CFAP299: variants seen among roughly 807,000 people sequenced by gnomAD.
CFAP299 encodes cilia and flagella associated protein 299.
In CFAP299, 21 loss-of-function variants were observed where a neutral mutation model predicts 27.0. The ratio of observed to expected loss-of-function variants is 0.78; its 90% CI spans 0.55 to 1.12. The LOEUF (loss-of-function observed/expected upper bound fraction) is 1.12, where lower values mean the gene tolerates loss of function less well. Among genes scored for constraint, CFAP299 ranks in the 50% most tolerant of loss-of-function variants. CFAP299 has a pLI of 0.00. For synonymous variants in CFAP299, 104 were observed against 98.1 expected, an observed-to-expected ratio of 1.06 and a Z score of -0.36; for missense variants, 310 against 276.6, an observed-to-expected ratio of 1.12 and a Z score of -0.86.
intron 3 of CFAP299, among the ~76,000 whole-genome samples, chr4:80,740,615 G>A (rs765610086): frequency 6.6e-6 from 1 of 152,184 alleles, no homozygotes. Context: ...GCACTTCAGG[G>A]TAGTGAGTTC....
At chr4:80,825,713 A>T (rs1729947950) in intron 3 of CFAP299, among the ~76,000 whole-genome samples, 1 of 151,962 alleles carries the variant, frequency 6.6e-6, no homozygotes, top group Non-Finnish European at 1.5e-5. Context: ...GGAGCTTATT[A>T]CTACTAGACC....
chr4:80,947,408 T>C (rs1275859569), intron 5 of CFAP299, among the ~76,000 whole-genome samples: 3 of 152,000 alleles, frequency 2.0e-5, no homozygotes, highest in African/African-American at 7.2e-5. Context: ...GTAAACAGAG[T>C]CCTAGGCTTT....
At chr4:80,703,010 A>G (rs923465436) in intron 3 of CFAP299, among the ~76,000 whole-genome samples, 5 of 151,756 alleles carry the variant, frequency 3.3e-5, no homozygotes, top group South Asian at 2.1e-4. Flanking sequence ...ACTTGAGTCT[A>G]TTTCAACTTC....
chr4:80,804,164 A>T (rs961957905), intron 3 of CFAP299, among the ~76,000 whole-genome samples: 1 of 152,144 alleles, frequency 6.6e-6, no homozygotes, highest in African/African-American at 2.4e-5. Flanking sequence ...TGGGGGACAC[A>T]TTCAGAACAC....
intron 2 of CFAP299, among the ~76,000 whole-genome samples, chr4:80,375,019 C>A (rs1724333073): frequency 6.7e-6 from 1 of 150,040 alleles, no homozygotes; most frequent in South Asian, 2.1e-4. Context: ...AGAAAAGAGA[C>A]TCTGGCAAAT....
At chr4:80,728,302 T>A (rs1481097696) in intron 3 of CFAP299, among the ~76,000 whole-genome samples, 1 of 152,152 alleles carries the variant, frequency 6.6e-6, no homozygotes, top group Non-Finnish European at 1.5e-5. Context: ...GGTTTAACAC[T>A]TCTCATATTT....
At position 80,596,160 on chromosome 4, in the gene CFAP299, A is replaced by G. The variant is rs78748537; in HGVS notation, c.333+12977A>G. ...CAGATACATGTTTGACACCAATTTC[A>G]TTATGAACCATAGCATCTTAGAAAT... On this transcript the variant is annotated intron_variant, in intron 3 of 5. Transcript: ENST00000358105. 1.1e-3 allele frequency among the ~76,000 whole-genome samples: 167 copies of G among 152,314 alleles called. 1 individual carries two copies. The highest frequency in any genetic ancestry group is 3.8e-3 in the African/African-American group (156 of 41,582).
At chr4:80,630,651 A>G (rs922680030) in intron 3 of CFAP299, among the ~76,000 whole-genome samples, 1 of 152,104 alleles carries the variant, frequency 6.6e-6, no homozygotes, top group Admixed American at 6.5e-5. Flanking sequence ...AGTGTGCTGT[A>G]TATATGTTTA....
At chr4:80,626,895 C>A (rs1342831732) in intron 3 of CFAP299, among the ~76,000 whole-genome samples, 1 of 151,796 alleles carries the variant, frequency 6.6e-6, no homozygotes, top group Non-Finnish European at 1.5e-5. Context: ...GACATCACTG[C>A]TGAATTCTAT....
chr4:80,600,203 A>C (rs967270381), intron 3 of CFAP299, among the ~76,000 whole-genome samples: 6 of 152,118 alleles, frequency 3.9e-5, no homozygotes, highest in Non-Finnish European at 5.9e-5. Flanking sequence ...CTTTCTTTCC[A>C]TGTTAGGCAT....
At chr4:80,413,385 G>T (rs1726830049) in intron 2 of CFAP299, among the ~76,000 whole-genome samples, 1 of 152,214 alleles carries the variant, frequency 6.6e-6, no homozygotes. Flanking sequence ...CACCTTTCAG[G>T]GTGGGACCCA....
intron 2 of CFAP299, among the ~76,000 whole-genome samples, chr4:80,368,747 T>A (rs1723975911): frequency 6.6e-6 from 1 of 152,242 alleles, no homozygotes; most frequent in Admixed American, 6.5e-5. Flanking sequence ...CTGAATATCA[T>A]ATACTTGAGA....
intron 3 of CFAP299, among the ~76,000 whole-genome samples, chr4:80,860,002 G>A (rs911220879): frequency 6.6e-6 from 1 of 152,190 alleles, no homozygotes; most frequent in Non-Finnish European, 1.5e-5. Context: ...ATCCTGCAGA[G>A]TGTTTTCCAA....
At chr4:80,322,241 C>G in the CFAP299 span, among the ~76,000 whole-genome samples, 1 of 152,182 alleles carries the variant, frequency 6.6e-6, no homozygotes, top group South Asian at 2.1e-4. Flanking sequence ...CATCTGCAGC[C>G]GAGCTGCTAA....
At chr4:80,391,504 G>A (rs1725480263) in intron 2 of CFAP299, among the ~76,000 whole-genome samples, 1 of 152,132 alleles carries the variant, frequency 6.6e-6, no homozygotes, top group African/African-American at 2.4e-5. Flanking sequence ...GTCACACACT[G>A]TATAACAACA....
intron 2 of CFAP299, among the ~76,000 whole-genome samples, chr4:80,507,181 T>C (rs1453115619): frequency 2.0e-5 from 3 of 152,008 alleles, no homozygotes; most frequent in Non-Finnish European, 4.4e-5. Flanking sequence ...ATGTAAGAGA[T>C]TGCAGGTGGG....
chr4:80,835,458 C>T (rs1730511996), intron 3 of CFAP299, among the ~76,000 whole-genome samples: 1 of 150,338 alleles, frequency 6.7e-6, no homozygotes, highest in Non-Finnish European at 1.5e-5. Context: ...AAAGTAAACA[C>T]AACTGAGTAT....
At chr4:80,939,113 G>C (rs1481993501) in intron 4 of CFAP299, among the ~76,000 whole-genome samples, 2 of 152,048 alleles carry the variant, frequency 1.3e-5, no homozygotes, top group African/African-American at 4.8e-5. Flanking sequence ...CTCTGTCTTT[G>C]ACTTTTGGCA....
At chr4:80,951,599 CCAAT>C (rs948489991) in intron 5 of CFAP299, among the ~76,000 whole-genome samples, 1 of 152,140 alleles carries the variant, frequency 6.6e-6, no homozygotes, top group African/African-American at 2.4e-5. Flanking sequence ...CTCAAATTCA[CCAAT>C]CAGAGAACTC....
Sources: gnomAD v4.1 joint callset for allele counts (sites outside exome capture counted in the v4.1 genomes callset) on GRCh38, gnomAD v4.1.1 for gene constraint, MANE v1.5 for transcripts, NCBI Gene and HGNC (gene_info 2026-07-23, HGNC 2026-07-21) for gene names.